CELF1: variants seen among roughly 807,000 people sequenced by gnomAD.
CELF1 encodes CUGBP Elav-like family member 1.
In CELF1, 10 loss-of-function variants were observed where a neutral mutation model predicts 61.8. The ratio of observed to expected loss-of-function variants is 0.16; its 90% CI spans 0.10 to 0.27. CELF1 has a LOEUF of 0.27. Ranked by LOEUF, CELF1 falls within the 10% of genes least tolerant of loss-of-function variation. The pLI is 1.00. For missense variants in CELF1, 380 were observed against 639.1 expected (o/e 0.59, Z 4.37); for synonymous variants, 236 against 225.1 (o/e 1.05, Z -0.43).
intron 4 of CELF1, among the ~76,000 whole-genome samples, chr11:47,488,024 A>C (rs554899213): frequency 9.8e-5 from 15 of 152,326 alleles, no homozygotes; most frequent in African/African-American, 3.1e-4. Context: ...AGAAACTATT[A>C]TACTTTATAT....
Position 47,546,369 on chromosome 11 carries a change from C to T in CELF1, c.-154+6623G>A, listed in dbSNP as rs181727481. Reference sequence around the variant, plus strand: ...GCAACCTCTGTCTCCCTAGTTCAAGCGATTCTCCTGCCTCAGCCTCCTAAG... The same window carrying T: ...GCAACCTCTGTCTCCCTAGTTCAAGTGATTCTCCTGCCTCAGCCTCCTAAG... On this transcript the variant is annotated intron_variant, in intron 1 of 14. Coordinates refer to ENST00000687097, the MANE Select transcript of CELF1 (RefSeq NM_001376376.1). 1.8e-3 allele frequency among the ~76,000 whole-genome samples: 280 copies of T among 151,668 alleles called. 1 individual carries two copies. The highest frequency in any genetic ancestry group is 2.0e-3 in the Non-Finnish European group (138 of 67,930).
chr11:47,483,358 C>A (rs1360589520), intron 8 of CELF1, 95 bp downstream of exon 8: 1 of 905,826 alleles, frequency 1.1e-6, no homozygotes, highest in East Asian at 2.4e-5. Context: ...ACCTTCTGGG[C>A]AATCAGATGC....
intron 3 of CELF1, among the ~76,000 whole-genome samples, chr11:47,496,808 G>T (rs1242880220): frequency 6.6e-6 from 1 of 152,204 alleles, no homozygotes; most frequent in Admixed American, 6.5e-5. Context: ...AGCTGACTAA[G>T]AATAAAGAGG....
rs914614689 is a variant in CELF1 at position 47,466,528 on chromosome 11, ACT to A, written c.*5700_*5701del. On this transcript the variant is annotated 3_prime_UTR_variant, in exon 15 of 15. Coordinates refer to ENST00000687097, the MANE Select transcript of CELF1 (RefSeq NM_001376376.1). ...AATACAACGTTTGTACCAATAAAAAACTCACACAGGTTTGTCTCCAAAATGTA... is the reference window on the plus strand; with the variant it reads ...AATACAACGTTTGTACCAATAAAAAACACACAGGTTTGTCTCCAAAATGTA... 1 of 151,348 alleles carries A rather than the reference ACT, an allele frequency of 6.6e-6. No individual in the cohort carries two copies. The highest frequency in any genetic ancestry group is 2.4e-5 in the African/African-American group (1 of 41,148). 9.4% of individuals were successfully genotyped at this position (151,348 alleles called of 1,614,324 possible). A position where few individuals can be genotyped will look rare whatever the true frequency, so the allele number is the denominator to read the frequency against.
chr11:47,482,090 C>G (rs1701983725), intron 9 of CELF1, among the ~76,000 whole-genome samples: 1 of 152,102 alleles, frequency 6.6e-6, no homozygotes, highest in Non-Finnish European at 1.5e-5. Context: ...GTAGTCCCAG[C>G]TACTTGGGAA....
At chr11:47,538,813 C>T (rs2153714360) in intron 1 of CELF1, among the ~76,000 whole-genome samples, 1 of 152,260 alleles carries the variant, frequency 6.6e-6, no homozygotes, top group South Asian at 2.1e-4. Context: ...GCTAAACTGT[C>T]TTTCTCAGAG....
intron 1 of CELF1, among the ~76,000 whole-genome samples, chr11:47,501,675 T>C (rs1304316678): frequency 6.6e-6 from 1 of 151,652 alleles, no homozygotes; most frequent in Non-Finnish European, 1.5e-5. Context: ...AAAAAAAAAT[T>C]AGCTGGGCGA....
At chr11:47,549,059 T>G (rs77173113) in intron 1 of CELF1, among the ~76,000 whole-genome samples, 3,098 of 151,958 alleles carry the variant, frequency 0.02, 51 homozygotes, top group South Asian at 0.057. Flanking sequence ...AAATCAAAAC[T>G]ACCACAGTGA....
chr11:47,550,593 C>T (rs1332605046), intron 1 of CELF1, among the ~76,000 whole-genome samples: 1 of 151,998 alleles, frequency 6.6e-6, no homozygotes, highest in Non-Finnish European at 1.5e-5. Flanking sequence ...ATTTCTATAG[C>T]ATATGAAAAG....
At chr11:47,534,378 G>C (rs1465732833) in intron 1 of CELF1, among the ~76,000 whole-genome samples, 1 of 150,864 alleles carries the variant, frequency 6.6e-6, no homozygotes. Flanking sequence ...CAAAGTTCAA[G>C]AAATCTCAGC....
intron 1 of CELF1, among the ~76,000 whole-genome samples, chr11:47,545,870 CGTG>C (rs2096926290): frequency 2.2e-5 from 2 of 91,800 alleles, no homozygotes; most frequent in South Asian, 3.1e-4. Context: ...TGTGTGTCTG[CGTG>C]TGTGTGTGTG....
At chr11:47,555,235 C>T (rs1176921446), upstream of CELF1, among the ~76,000 whole-genome samples, 1 of 152,170 alleles carries the variant, frequency 6.6e-6, no homozygotes, top group Non-Finnish European at 1.5e-5. Flanking sequence ...TAAGGAAAGG[C>T]ACCATGCCCG....
Position 47,490,252 on chromosome 11 carries a change from A to T in CELF1, c.72-1228T>A, listed in dbSNP as rs532882695. The stretch of plus-strand genomic sequence containing the variant: ...CGCCTGGCCTCATACCATCTACTTC[A>T]AAGTCCTTCGTCCTATTTGTTTCTA... On this transcript the variant is annotated intron_variant, in intron 3 of 14. Coordinates refer to ENST00000687097, the MANE Select transcript of CELF1 (RefSeq NM_001376376.1). 8.7e-4 allele frequency among the ~76,000 whole-genome samples: 132 copies of T among 151,816 alleles called. 1 individual carries two copies. The highest frequency in any genetic ancestry group is 5.8e-3 in the South Asian group (28 of 4,802).
intron 1 of CELF1, among the ~76,000 whole-genome samples, chr11:47,502,892 G>A (rs2094099236): frequency 1.3e-5 from 2 of 152,236 alleles, no homozygotes; most frequent in African/African-American, 2.4e-5. Flanking sequence ...GAAATACAGA[G>A]GTGACAGGAG....
upstream of CELF1, chr11:47,557,862 T>G (rs1488794244): frequency 6.6e-6 from 1 of 150,944 alleles, no homozygotes; most frequent in African/African-American, 2.4e-5. Context: ...AAAAGAAAAC[T>G]CTTTTTTTTT....
intron 6 of CELF1, among the ~76,000 whole-genome samples, chr11:47,485,663 C>A (rs2086355541): frequency 6.6e-6 from 1 of 151,654 alleles, no homozygotes; most frequent in South Asian, 2.1e-4. Context: ...CATACTGCAA[C>A]CACCGTCTCC....
chr11:47,487,301 T>C, intron 4 of CELF1, 60 bp from the exon 5 acceptor site: 2 of 1,296,952 alleles, frequency 1.5e-6, no homozygotes, highest in African/African-American at 1.5e-5. Context: ...CCTAGAGCAA[T>C]CCTTCCTCCA....
chr11:47,543,594 C>T (rs1333022251), intron 1 of CELF1, among the ~76,000 whole-genome samples: 1 of 152,116 alleles, frequency 6.6e-6, no homozygotes, highest in Non-Finnish European at 1.5e-5. Flanking sequence ...AGTTATTTTA[C>T]AAAGGTCTCA....
rs1468733844 is a variant in CELF1, at chr11:47,466,911, A to T, written c.*5319T>A. The stretch of plus-strand genomic sequence containing the variant: ...GTTTCTGGCCTCTTTCCATCCAATC[A>T]CCCCTTCCAGGAAATTCAGCAGCCT... On this transcript the variant is annotated 3_prime_UTR_variant, in exon 15 of 15. Transcript: ENST00000687097. 1 of 151,560 alleles carries T rather than the reference A, an allele frequency of 6.6e-6. No homozygotes were observed. Among genetic ancestry groups the T allele is most frequent in the Non-Finnish European group, 1.5e-5 (1 of 67,944 alleles). The allele number at this position is 151,560 out of a possible 1,614,324, so 9.4% of individuals were successfully genotyped here.
Sources: allele counts gnomAD v4.1 joint callset (sites outside exome capture counted in the v4.1 genomes callset), GRCh38; gene constraint gnomAD v4.1.1; transcripts MANE v1.5; gene names NCBI Gene and HGNC (gene_info 2026-07-23, HGNC 2026-07-21).